Variants in KIRREL3 observed in about 807,000 individuals in gnomAD.
KIRREL3 encodes the protein kirre like nephrin family adhesion molecule 3.
KIRREL3 carries 36 observed loss-of-function variants against 89.7 expected under a neutral mutation model. The observed-to-expected ratio is 0.40, with a 90% CI of 0.31 to 0.53. The LOEUF (loss-of-function observed/expected upper bound fraction) is 0.53. Ranked by LOEUF, KIRREL3 falls within the 20% of genes least tolerant of loss-of-function variation. KIRREL3 has a pLI of 0.49. For missense variants in KIRREL3, 864 were observed against 1,056.6 expected (o/e 0.82, Z 2.53); for synonymous variants, 445 against 441.4 (o/e 1.01, Z -0.10).
At position 126,424,849 on chromosome 11, in the gene KIRREL3, C is replaced by T. The variant is rs767804773; in HGVS notation, c.2068G>A (p.Asp690Asn). The T allele has an allele frequency of 1.3e-5, 21 of 1,613,848 alleles. No individual in the cohort carries two copies. Among genetic ancestry groups the T allele is most frequent in the Admixed American group, 1.7e-5 (1 of 60,004 alleles). The change falls in exon 17 of 17, where the codon GAC (aspartate) becomes AAC (asparagine). Residue 690 changes from aspartate to asparagine, a missense_variant. By Grantham distance (23) the Asp-to-Asn change is conservative (BLOSUM62 1). Coordinates refer to ENST00000525144, the MANE Select transcript of KIRREL3 (RefSeq NM_032531.4). ...STLSGQGRLY[D>N]YGQRFVLGMG... ...CCCAGCACAAACCGCTGCCCGTAGT[C>T]GTAGAGGCGGCCCTGGCCGCTCAGG...
At chr11:126,695,406 C>CA (rs36034228) in intron 1 of KIRREL3, among the ~76,000 whole-genome samples, 10,816 of 63,546 alleles carry the variant, frequency 0.17, 679 homozygotes, top group Non-Finnish European at 0.21. Flanking sequence ...TTAGCTTTAC[C>CA]AAAAAAAAAA....
chr11:126,659,792 T>C (rs1275328899), intron 1 of KIRREL3, among the ~76,000 whole-genome samples: 2 of 152,230 alleles, frequency 1.3e-5, no homozygotes, highest in African/African-American at 4.8e-5. Flanking sequence ...GGAATTTCTA[T>C]GAGCACAGCC....
rs796326474 is a variant in KIRREL3, at chr11:126,640,355, TGC to T, written c.56-77445_56-77444del. Among the ~76,000 whole-genome samples the T allele has an allele frequency of 3.3e-5, 5 of 151,966 alleles. No homozygotes were observed. Among genetic ancestry groups the T allele is most frequent in the African/African-American group, 1.2e-4 (5 of 41,386 alleles). ...CACAACACACACACAGACGCGCGTGTGCGCGCGCACACACACGCACACGCGCA... is the reference window on the plus strand; with the variant it reads ...CACAACACACACACAGACGCGCGTGTGCGCGCACACACACGCACACGCGCA... On this transcript the variant is annotated intron_variant, in intron 1 of 16. Coordinates refer to ENST00000525144, the MANE Select transcript of KIRREL3 (RefSeq NM_032531.4). This position sits in a 1 kb window ranked among gnomAD's most constrained non-coding sequence, Gnocchi z 4.9.
chr11:126,505,675 C>A (rs1251773292), intron 4 of KIRREL3, among the ~76,000 whole-genome samples: 1 of 151,828 alleles, frequency 6.6e-6, no homozygotes, highest in Non-Finnish European at 1.5e-5. Flanking sequence ...AATGAACAAT[C>A]CAAAAATGAA....
intron 1 of KIRREL3, among the ~76,000 whole-genome samples, chr11:126,621,317 A>C (rs968582245): frequency 1.1e-4 from 17 of 152,172 alleles, no homozygotes; most frequent in Non-Finnish European, 2.1e-4. Context: ...CAGTATTTGG[A>C]TGTCTTGCAA....
rs1946173477 is a variant in KIRREL3, at chr11:126,896,719, G to T, written c.55+103736C>A. ...CAGACACCCAGGGGAGGGGTTCCAT[G>T]GCCACAGCAAGCTCTCTGGCAGCCT... On this transcript the variant is annotated intron_variant, in intron 1 of 16. Transcript: ENST00000525144. This position sits in a 1 kb window ranked among gnomAD's most constrained non-coding sequence, Gnocchi z 4.1. Among the ~76,000 whole-genome samples, 1 of 152,088 alleles carries T rather than the reference G, an allele frequency of 6.6e-6. No individual in the cohort carries two copies. The highest frequency in any genetic ancestry group is 2.1e-4 in the South Asian group (1 of 4,822).
At chr11:126,464,873 C>T in intron 5 of KIRREL3, among the ~76,000 whole-genome samples, 1 of 152,178 alleles carries the variant, frequency 6.6e-6, no homozygotes, top group Middle Eastern at 3.2e-3. Context: ...TAATGGCAGC[C>T]CTAGGAAGCA....
In KIRREL3 at chr11:126,436,981, T is replaced by C; in HGVS notation, c.1382A>G (p.Glu461Gly). ...IAWSWKENVL[E>G]SGTSGRYTVE... The stretch of plus-strand genomic sequence containing the variant: ...CGTATAGCGCCCCGATGTGCCCGAC[T>C]CCAGAACGTTCTCCTTCCAGGACCA... The change falls in exon 12 of 17, where the codon GAG (glutamate) becomes GGG (glycine). Residue 461 changes from glutamate (E) to glycine (G), a missense_variant. Glu to Gly is a moderately conservative substitution (Grantham distance 98). Transcript: ENST00000525144. 1 of 1,567,396 alleles carries C rather than the reference T, an allele frequency of 6.4e-7. No homozygotes were observed.
intron 5 of KIRREL3, among the ~76,000 whole-genome samples, chr11:126,465,602 C>T (rs1370158723): frequency 6.6e-6 from 1 of 152,242 alleles, no homozygotes; most frequent in Non-Finnish European, 1.5e-5. Flanking sequence ...TATAGAACAG[C>T]ACATCTTGCT....
intron 1 of KIRREL3, among the ~76,000 whole-genome samples, chr11:126,829,139 G>A (rs374775603): frequency 1.1e-4 from 16 of 152,194 alleles, no homozygotes; most frequent in African/African-American, 2.7e-4. Context: ...TGGTGCTGGC[G>A]AAGGCTCCAA....
At chr11:126,500,058 T>G (rs977210308) in intron 4 of KIRREL3, among the ~76,000 whole-genome samples, 6 of 152,238 alleles carry the variant, frequency 3.9e-5, no homozygotes, top group Admixed American at 6.5e-5. Flanking sequence ...TTCTACCCAC[T>G]GACTGCACTA....
rs1942998289 is a variant in KIRREL3 at position 126,608,776 on chromosome 11, G to A, written c.56-45864C>T. On this transcript the variant is annotated intron_variant, in intron 1 of 16. Transcript: ENST00000525144. This position sits in a 1 kb window ranked among gnomAD's most constrained non-coding sequence, Gnocchi z 4.9. ...GGGCCTGCTGGCAAACTGCTAACTGGCACAGGTGACTTGCATTTCCTGGGG... is the reference window on the plus strand; with the variant it reads ...GGGCCTGCTGGCAAACTGCTAACTGACACAGGTGACTTGCATTTCCTGGGG... 6.6e-6 allele frequency among the ~76,000 whole-genome samples: 1 copy of A among 152,198 alleles called. No individual in the cohort carries two copies. The highest frequency in any genetic ancestry group is 2.4e-5 in the African/African-American group (1 of 41,444).
intron 1 of KIRREL3, among the ~76,000 whole-genome samples, chr11:126,757,678 C>G (rs114002162): frequency 0.012 from 1,784 of 152,000 alleles, 48 homozygotes; most frequent in African/African-American, 0.041. Flanking sequence ...TATAATAGGG[C>G]TCATGAGTGT....
At position 126,739,180 on chromosome 11, in the gene KIRREL3, C is replaced by T. The variant is rs754972530; in HGVS notation, c.56-176268G>A. ...CAAAGCCAAACCCTTCCACCCGTTC[C>T]GTGCTATTGTTGGAGATGTGAATTC... On this transcript the variant is annotated intron_variant, in intron 1 of 16. Transcript: ENST00000525144. The surrounding 1 kb of genome is among the most constrained non-coding windows in gnomAD (Gnocchi z 5.5). Among the ~76,000 whole-genome samples the T allele has an allele frequency of 2.6e-5, 4 of 152,172 alleles. No individual in the cohort carries two copies. The highest frequency in any genetic ancestry group is 4.8e-5 in the African/African-American group (2 of 41,422).
chr11:126,621,174 G>C (rs1241880080), intron 1 of KIRREL3, among the ~76,000 whole-genome samples: 2 of 152,216 alleles, frequency 1.3e-5, no homozygotes, highest in Non-Finnish European at 2.9e-5. Flanking sequence ...CTAAGATGTA[G>C]CTACTTAAAT....
At chr11:126,633,920 T>C (rs547970572) in intron 1 of KIRREL3, among the ~76,000 whole-genome samples, 7 of 152,276 alleles carry the variant, frequency 4.6e-5, no homozygotes, top group Admixed American at 3.3e-4. Flanking sequence ...CATGGTTTAG[T>C]CATGTTCCCA....
chr11:126,923,935 C>T (rs1486215009), intron 1 of KIRREL3, among the ~76,000 whole-genome samples: 1 of 152,224 alleles, frequency 6.6e-6, no homozygotes, highest in Admixed American at 6.5e-5. Context: ...TCCCCCCAAA[C>T]CTTCTTTTCT....
intron 1 of KIRREL3, among the ~76,000 whole-genome samples, chr11:126,868,172 C>T (rs1439730946): frequency 6.6e-6 from 1 of 152,122 alleles, no homozygotes; most frequent in Non-Finnish European, 1.5e-5. Context: ...TAAGCATGTG[C>T]TATGGCATAC....
At position 126,900,710 on chromosome 11, in the gene KIRREL3, C is replaced by T. The variant is rs1041793350; in HGVS notation, c.55+99745G>A. Among the ~76,000 whole-genome samples the T allele has an allele frequency of 6.6e-6, 1 of 152,152 alleles. No homozygotes were observed. Among genetic ancestry groups the T allele is most frequent in the South Asian group, 2.1e-4 (1 of 4,824 alleles). ...ATGCCGTGATCTTGTTAAAATCTTTCCTGTAATGATATTTAAGTGATGGGC... is the reference window on the plus strand; with the variant it reads ...ATGCCGTGATCTTGTTAAAATCTTTTCTGTAATGATATTTAAGTGATGGGC... On this transcript the variant is annotated intron_variant, in intron 1 of 16. Transcript: ENST00000525144. The surrounding 1 kb of genome is among the most constrained non-coding windows in gnomAD (Gnocchi z 4.4).
Sources: gnomAD v4.1 joint callset for allele counts (sites outside exome capture counted in the v4.1 genomes callset) on GRCh38, gnomAD v4.1.1 for gene constraint, Gnocchi (gnomAD v3.1) non-coding constraint, MANE v1.5 for transcripts, NCBI Gene and HGNC (gene_info 2026-07-23, HGNC 2026-07-21) for gene names.